TIAM1: variants seen among roughly 807,000 people sequenced by gnomAD.
TIAM1 encodes the protein rho guanine nucleotide exchange factor TIAM1.
A neutral mutation model predicts 163.5 loss-of-function variants in TIAM1; 65 were observed. That is an observed-to-expected ratio of 0.40 (90% CI 0.33 to 0.49). TIAM1 has a LOEUF of 0.49. Among genes scored for constraint, TIAM1 ranks in the 20% least tolerant of loss-of-function variants. TIAM1 has a pLI of 0.77. For missense variants in TIAM1, 1,789 were observed against 2,044.7 expected (o/e 0.87, Z 2.41); for synonymous variants, 833 against 810.1 (o/e 1.03, Z -0.48).
At chr21:31,177,079 T>C (rs1325735138) in intron 15 of TIAM1, among the ~76,000 whole-genome samples, 5 of 152,222 alleles carry the variant, frequency 3.3e-5, no homozygotes, top group Non-Finnish European at 7.3e-5. Context: ...TCTCTGGTCA[T>C]AGGCCAGGGA....
At chr21:31,168,075 C>T (rs1377476149) in intron 15 of TIAM1, among the ~76,000 whole-genome samples, 2 of 150,958 alleles carry the variant, frequency 1.3e-5, no homozygotes, top group East Asian at 3.9e-4. Flanking sequence ...CAGCAGGTTT[C>T]TTCCCTGAGA....
intron 1 of TIAM1, among the ~76,000 whole-genome samples, chr21:31,505,819 A>C (rs1334167222): frequency 6.6e-6 from 1 of 151,982 alleles, no homozygotes; most frequent in Non-Finnish European, 1.5e-5. Flanking sequence ...AGCATGGCCA[A>C]CACAGTGAAT....
chr21:31,179,562 C>T (rs1217318640), intron 15 of TIAM1, among the ~76,000 whole-genome samples: 1 of 149,574 alleles, frequency 6.7e-6, no homozygotes, highest in Non-Finnish European at 1.5e-5. Context: ...AAAAAAAAAC[C>T]TTCCAAAGAT....
chr21:31,231,959 C>G (rs941966567), intron 6 of TIAM1, among the ~76,000 whole-genome samples: 2 of 151,816 alleles, frequency 1.3e-5, no homozygotes, highest in African/African-American at 4.8e-5. Context: ...TTGTAGTGAG[C>G]TGAGATTATG....
chr21:31,554,291 A>G (rs13047751), intron 1 of TIAM1, among the ~76,000 whole-genome samples: 20,801 of 152,120 alleles, frequency 0.14, 1,658 homozygotes, highest in Non-Finnish European at 0.18. Flanking sequence ...TCCCAGCACA[A>G]CTGCATTAGA....
intron 17 of TIAM1, among the ~76,000 whole-genome samples, 168 bp from the exon 18 acceptor site, chr21:31,153,302 C>T (rs1465618691): frequency 6.6e-6 from 1 of 152,184 alleles, no homozygotes; most frequent in Non-Finnish European, 1.5e-5. Context: ...AGGTCCATTT[C>T]ATGCAGGAGT....
At chr21:31,176,334 T>C (rs574750171) in intron 15 of TIAM1, among the ~76,000 whole-genome samples, 3 of 152,330 alleles carry the variant, frequency 2.0e-5, no homozygotes, top group South Asian at 2.1e-4. Context: ...AAGATCTTTT[T>C]ATAAAAACAG....
chr21:31,503,820 A>C (rs1212593593), intron 1 of TIAM1, among the ~76,000 whole-genome samples: 1 of 151,342 alleles, frequency 6.6e-6, no homozygotes, highest in East Asian at 2.0e-4. Flanking sequence ...ACCATTTGAG[A>C]CATCACTAGC....
chr21:31,500,493 A>G (rs1482231664), intron 1 of TIAM1, among the ~76,000 whole-genome samples: 1 of 152,330 alleles, frequency 6.6e-6, no homozygotes, highest in African/African-American at 2.4e-5. Flanking sequence ...CGGGTCTCCC[A>G]GAAAGATATG....
intron 20 of TIAM1, among the ~76,000 whole-genome samples, chr21:31,144,772 T>G (rs1022330757): frequency 1.0e-4 from 13 of 129,964 alleles, no homozygotes; most frequent in Non-Finnish European, 2.0e-4. Flanking sequence ...GAGGTTGCAG[T>G]GAGCCGAGAT....
Position 31,152,598 on chromosome 21 carries a change from T to G in TIAM1, c.3366+38A>C, listed in dbSNP as rs979950149. Reference sequence around the variant, plus strand: ...TCAGGGGATTCAACTTGAGCCACACTATAGCCCTGACGCTGGAGGCAGCTT... The same window carrying G: ...TCAGGGGATTCAACTTGAGCCACACGATAGCCCTGACGCTGGAGGCAGCTT... On this transcript the variant is annotated intron_variant, in intron 19 of 27. Transcript: ENST00000541036. 4 of 1,612,052 alleles carry G rather than the reference T, an allele frequency of 2.5e-6. No individual in the cohort carries two copies. In the African/African-American group the frequency reaches 4.0e-5, roughly 16 times the overall value.
At chr21:31,443,254 G>C (rs2044501301) in intron 2 of TIAM1, among the ~76,000 whole-genome samples, 1 of 152,116 alleles carries the variant, frequency 6.6e-6, no homozygotes, top group Admixed American at 6.5e-5. Context: ...AAACCCCCTA[G>C]TAACAGACAA....
Position 31,119,772 on chromosome 21 carries a change from G to A in TIAM1, c.*596C>T, listed in dbSNP as rs1264200643. The A allele has an allele frequency of 6.6e-6, 1 of 151,586 alleles. No homozygotes were observed. Among genetic ancestry groups the A allele is most frequent in the African/African-American group, 2.4e-5 (1 of 41,198 alleles). The allele number at this position is 151,586 out of a possible 1,614,324, so 9.4% of individuals were successfully genotyped here. A position where few individuals can be genotyped will look rare whatever the true frequency, so the allele number is the denominator to read the frequency against. On this transcript the variant is annotated 3_prime_UTR_variant, in exon 28 of 28. Transcript: ENST00000541036. ...ATGCAAAACTAGAGCTTCCGAACAT[G>A]GACACAGAGTAAGACCAGCCATAGA...
intron 2 of TIAM1, among the ~76,000 whole-genome samples, chr21:31,285,901 G>A (rs948231248): frequency 1.3e-5 from 2 of 152,156 alleles, no homozygotes; most frequent in Admixed American, 6.6e-5. Flanking sequence ...TAAAATAAAA[G>A]AGAGAGTTCA....
chr21:31,229,346 T>C (rs1455282649), intron 6 of TIAM1, among the ~76,000 whole-genome samples: 1 of 152,144 alleles, frequency 6.6e-6, no homozygotes, highest in Non-Finnish European at 1.5e-5. Context: ...TAAACTATCA[T>C]AGAAAGTTTC....
intron 15 of TIAM1, among the ~76,000 whole-genome samples, chr21:31,173,857 G>A (rs1484443699): frequency 3.9e-5 from 6 of 152,026 alleles, no homozygotes; most frequent in East Asian, 1.9e-4. Flanking sequence ...CTCAGTCTCC[G>A]AAACATGTTT....
At position 31,120,460 on chromosome 21, in the gene TIAM1, TC is replaced by T; in HGVS notation, c.4683del (p.Ile1562SerfsTer26). On this transcript the variant is annotated frameshift_variant, in exon 28 of 28. Transcript: ENST00000541036. LOFTEE classifies it high-confidence loss of function. The surrounding 1 kb of genome is among the most constrained non-coding windows in gnomAD (Gnocchi z 4.2). The stretch of plus-strand genomic sequence containing the variant: ...CTTGCGCTCTCCAGGCCTCCATTGA[TC>T]CCCGACAGGGCAGCTTGCTTCTTGA... Reference protein sequence around the residue: ...AQLKKQAALSGINGGLESASE... With the variant: ...AQLKKQAALSXINGGLESASE... The T allele has an allele frequency of 6.2e-7, 1 of 1,614,188 alleles. No homozygotes were observed. Among genetic ancestry groups the T allele is most frequent in the Non-Finnish European group, 8.5e-7 (1 of 1,180,040 alleles).
At chr21:31,354,897 G>A (rs923109586) in intron 2 of TIAM1, among the ~76,000 whole-genome samples, 2 of 152,172 alleles carry the variant, frequency 1.3e-5, no homozygotes, top group African/African-American at 4.8e-5. Context: ...CAGACGCCAA[G>A]ATAAGTCATC....
chr21:31,510,134 A>G (rs2047165496), intron 1 of TIAM1, among the ~76,000 whole-genome samples: 1 of 152,226 alleles, frequency 6.6e-6, no homozygotes, highest in African/African-American at 2.4e-5. Flanking sequence ...CCATAACAAA[A>G]TACCAGAGTC....
Sources: allele counts gnomAD v4.1 joint callset (sites outside exome capture counted in the v4.1 genomes callset), GRCh38; gene constraint gnomAD v4.1.1; non-coding constraint Gnocchi (gnomAD v3.1); transcripts MANE v1.5; gene names NCBI Gene and HGNC (gene_info 2026-07-23, HGNC 2026-07-21).